Variants in TMC1 observed in about 807,000 individuals in gnomAD.
TMC1 encodes the protein transmembrane channel like 1.
A neutral mutation model predicts 105.8 loss-of-function variants in TMC1; 84 were observed. That is an observed-to-expected ratio of 0.79 (90% CI 0.67 to 0.95). The LOEUF is 0.95. TMC1 is among the 40% of genes least tolerant of loss of function. The probability of loss-of-function intolerance (pLI) is 0.00; values close to 1 mark genes in which losing one functional copy is unlikely to be tolerated. For missense variants in TMC1, 817 were observed against 914.1 expected (o/e 0.89, Z 1.37); for synonymous variants, 315 against 311.5 (o/e 1.01, Z -0.12).
intron 18 of TMC1, among the ~76,000 whole-genome samples, chr9:72,812,292 A>G (rs1203009070): frequency 1.3e-5 from 2 of 152,210 alleles, no homozygotes; most frequent in African/African-American, 4.8e-5. Context: ...GAGATATTAT[A>G]TATCAGTTCG....
rs560076398 is a variant in TMC1, at chr9:72,546,120, T to TA, written c.-428+24222dup. Among the ~76,000 whole-genome samples, 857 of 134,850 alleles carry TA rather than the reference T, an allele frequency of 6.4e-3. 6 individuals carry two copies. Among genetic ancestry groups the TA allele is most frequent in the African/African-American group, 8.6e-3 (313 of 36,486 alleles). 88.5% of individuals were successfully genotyped at this position (134,850 alleles called of 152,430 possible). On this transcript the variant is annotated intron_variant, in intron 1 of 23. Coordinates refer to ENST00000297784, the MANE Select transcript of TMC1 (RefSeq NM_138691.3). ...CAACATGGTGACACCCCAGCTCTAC[T>TA]AAAAAAAAAAAAAAATGAAAAAATT...
intron 2 of TMC1, among the ~76,000 whole-genome samples, chr9:72,606,666 ATACT>A (rs1824918863): frequency 6.6e-6 from 1 of 152,194 alleles, no homozygotes; most frequent in Admixed American, 6.5e-5. Context: ...TACTATAAAA[ATACT>A]TACTTTTTTT....
intron 8 of TMC1, among the ~76,000 whole-genome samples, chr9:72,725,307 C>T (rs138740093): frequency 1.5e-3 from 202 of 137,342 alleles, no homozygotes; most frequent in African/African-American, 5.0e-3. Flanking sequence ...CCCCCACACA[C>T]ACATTTTATG....
Position 72,783,248 on chromosome 9 carries a change from A to G in TMC1, c.885-5091A>G, listed in dbSNP as rs116375782. The stretch of plus-strand genomic sequence containing the variant: ...AGGCCGTCTGCAAGCTGAGGAAGGA[A>G]GAAGCCAAGAGTGGCTCAGTCTGAG... On this transcript the variant is annotated intron_variant, in intron 13 of 23. Transcript: ENST00000297784. Among the ~76,000 whole-genome samples the G allele has an allele frequency of 3.6e-3, 551 of 152,234 alleles. 6 individuals carry two copies. The highest frequency in any genetic ancestry group is 0.013 in the African/African-American group (528 of 41,540).
chr9:72,634,478 C>T (rs879507398), intron 4 of TMC1, among the ~76,000 whole-genome samples: 2 of 152,156 alleles, frequency 1.3e-5, no homozygotes, highest in Non-Finnish European at 2.9e-5. Flanking sequence ...ACCTTGTGGA[C>T]TTTCATTAGT....
chr9:72,616,062 T>G (rs1192471562), intron 2 of TMC1, among the ~76,000 whole-genome samples: 1 of 152,174 alleles, frequency 6.6e-6, no homozygotes, highest in Non-Finnish European at 1.5e-5. Context: ...CCCCATTTGT[T>G]GATGCTTAGG....
At chr9:72,656,079 G>A in intron 5 of TMC1, 1 of 701,586 alleles carries the variant, frequency 1.4e-6, no homozygotes, top group South Asian at 1.4e-5. Context: ...CTCTGATCAA[G>A]TCAGCACACA....
At chr9:72,718,938 G>T (rs1564512138) in intron 8 of TMC1, among the ~76,000 whole-genome samples, 1 of 152,094 alleles carries the variant, frequency 6.6e-6, no homozygotes, top group Non-Finnish European at 1.5e-5. Flanking sequence ...GTTCCCAGGA[G>T]GATTATGGCT....
At chr9:72,651,973 T>G (rs921665550) in intron 5 of TMC1, among the ~76,000 whole-genome samples, 1 of 152,148 alleles carries the variant, frequency 6.6e-6, no homozygotes, top group Non-Finnish European at 1.5e-5. Context: ...GTCCTCATAA[T>G]TTAGCTCCCA....
At chr9:72,687,262 C>T (rs1313983512) in intron 5 of TMC1, among the ~76,000 whole-genome samples, 1 of 152,122 alleles carries the variant, frequency 6.6e-6, no homozygotes, top group East Asian at 1.9e-4. Flanking sequence ...TTGTCCTCAG[C>T]TGTTTCTTCT....
intron 12 of TMC1, among the ~76,000 whole-genome samples, chr9:72,755,095 AGAAAGAAAGAAAGAAAG>A: frequency 7.5e-6 from 1 of 132,464 alleles, no homozygotes; most frequent in African/African-American, 3.1e-5. Flanking sequence ...AGAGAGAGAG[AGAAAGAAAGAAAGAAAG>A]AGAAAGAAAG....
At chr9:72,573,578 G>C (rs182391188) in intron 1 of TMC1, among the ~76,000 whole-genome samples, 1 of 152,302 alleles carries the variant, frequency 6.6e-6, no homozygotes, top group Non-Finnish European at 1.5e-5. Context: ...TAAGGGGGCA[G>C]GCAATAGATT....
At chr9:72,658,672 T>A (rs1299084802) in intron 5 of TMC1, among the ~76,000 whole-genome samples, 1 of 152,218 alleles carries the variant, frequency 6.6e-6, no homozygotes, top group East Asian at 1.9e-4. Context: ...ATTCATGTAT[T>A]CCTTCTGAGC....
At chr9:72,826,743 C>T (rs1261464370) in intron 20 of TMC1, 126 bp from the exon 21 acceptor site, 2 of 995,278 alleles carry the variant, frequency 2.0e-6, no homozygotes, top group African/African-American at 3.2e-5. Flanking sequence ...TGTAGCTAAA[C>T]ATCAGATTCC....
intron 13 of TMC1, among the ~76,000 whole-genome samples, chr9:72,787,206 C>T (rs886400253): frequency 6.6e-6 from 1 of 152,072 alleles, no homozygotes; most frequent in African/African-American, 2.4e-5. Context: ...GAGTAACTAC[C>T]TTGACTTCTT....
At chr9:72,650,900 A>T (rs1825800506) in intron 5 of TMC1, among the ~76,000 whole-genome samples, 1 of 142,806 alleles carries the variant, frequency 7.0e-6, no homozygotes, top group African/African-American at 2.6e-5. Flanking sequence ...AGATATATAT[A>T]TAAATATATA....
In TMC1 at chr9:72,742,487, C is replaced by A; in HGVS notation, c.497C>A (p.Ala166Glu). Reference sequence around the variant, plus strand: ...CGTGATTTTGAGAACTTCAAAGCTGCGTGTGTCCCATGGGAAAATAAAATC... The same window carrying A: ...CGTGATTTTGAGAACTTCAAAGCTGAGTGTGTCCCATGGGAAAATAAAATC... ...FLRDFENFKA[A>E]CVPWENKIKA... The change falls in exon 10 of 24, where the codon GCG (alanine) becomes GAG (glutamate). Residue 166 changes from alanine to glutamate, a missense_variant. Coordinates refer to ENST00000297784, the MANE Select transcript of TMC1 (RefSeq NM_138691.3). The A allele has an allele frequency of 6.2e-7, 1 of 1,614,052 alleles. No homozygotes were observed.
rs1456807542 is a variant in TMC1 at position 72,818,806 on chromosome 9, A to AT, written c.1764-2034dup. 7 of 152,216 alleles carry AT rather than the reference A, an allele frequency of 4.6e-5. No individual in the cohort carries two copies. In the East Asian group the frequency reaches 9.6e-4, roughly 21 times the overall value. The allele number at this position is 152,216 out of a possible 1,614,324, so 9.4% of individuals were successfully genotyped here. On this transcript the variant is annotated intron_variant, in intron 19 of 23. Coordinates refer to ENST00000297784, the MANE Select transcript of TMC1 (RefSeq NM_138691.3). ...ATGCATGAGTAAAGATAGGATGAGC[A>AT]TTAACATTCGGATATTATTATGCCA...
chr9:72,647,000 G>A (rs756212568), intron 4 of TMC1, among the ~76,000 whole-genome samples: 74 of 151,836 alleles, frequency 4.9e-4, no homozygotes, highest in Admixed American at 1.6e-3. Context: ...AAATTAGCCC[G>A]GTGTGGTGGC....
Sources: allele counts gnomAD v4.1 joint callset (sites outside exome capture counted in the v4.1 genomes callset), GRCh38; gene constraint gnomAD v4.1.1; transcripts MANE v1.5; gene names NCBI Gene and HGNC (gene_info 2026-07-23, HGNC 2026-07-21).